MTUS2: variants seen among roughly 807,000 people sequenced by gnomAD.
MTUS2 encodes the protein microtubule associated scaffold protein 2.
In MTUS2, 40 loss-of-function variants were observed where a neutral mutation model predicts 114.1. The observed-to-expected ratio is 0.35, with a 90% CI of 0.27 to 0.46. The LOEUF (loss-of-function observed/expected upper bound fraction) is 0.46, where lower values mean the gene tolerates loss of function less well. Ranked by LOEUF, MTUS2 falls within the 20% of genes least tolerant of loss-of-function variation. The pLI is 1.00. For missense variants in MTUS2, 1,679 were observed against 1,705.4 expected (o/e 0.98, Z 0.27); for synonymous variants, 688 against 672.0 (o/e 1.02, Z -0.37).
intron 5 of MTUS2, among the ~76,000 whole-genome samples, chr13:29,277,105 C>A (rs1247629573): frequency 6.6e-6 from 1 of 152,090 alleles, no homozygotes; most frequent in East Asian, 1.9e-4. Context: ...ACAGTGCCAC[C>A]CACTAACTGC....
intron 7 of MTUS2, among the ~76,000 whole-genome samples, chr13:29,353,939 T>G (rs563801013): frequency 1.6e-3 from 248 of 152,328 alleles, no homozygotes; most frequent in African/African-American, 5.7e-3. Context: ...GCTGAAAATT[T>G]GAGGTCACTC....
intron 5 of MTUS2, among the ~76,000 whole-genome samples, chr13:29,152,820 G>T (rs947703157): frequency 6.6e-6 from 1 of 152,052 alleles, no homozygotes; most frequent in Non-Finnish European, 1.5e-5. Flanking sequence ...GTCAGAAACC[G>T]CAATGAGTCC....
intron 5 of MTUS2, among the ~76,000 whole-genome samples, chr13:29,205,349 C>G (rs1315140473): frequency 6.6e-6 from 1 of 152,158 alleles, no homozygotes; most frequent in African/African-American, 2.4e-5. Context: ...CTTCATACAT[C>G]CATGAATAGA....
At chr13:28,863,456 C>T (rs1362947562) in intron 2 of MTUS2, among the ~76,000 whole-genome samples, 3 of 152,088 alleles carry the variant, frequency 2.0e-5, no homozygotes, top group Admixed American at 6.5e-5. Context: ...TCATATAGCC[C>T]GAGGCTGAGG....
At chr13:28,904,483 T>G (rs977696039) in intron 2 of MTUS2, among the ~76,000 whole-genome samples, 2 of 152,336 alleles carry the variant, frequency 1.3e-5, no homozygotes, top group South Asian at 4.1e-4. Flanking sequence ...GCTAGCCAGT[T>G]TTCCCAGCAC....
At chr13:29,367,572 G>GAATAAA in intron 8 of MTUS2, among the ~76,000 whole-genome samples, 1 of 151,924 alleles carries the variant, frequency 6.6e-6, no homozygotes, top group East Asian at 1.9e-4. Context: ...TCTGCCAGTG[G>GAATAAA]AATAAAAATC....
intron 5 of MTUS2, among the ~76,000 whole-genome samples, chr13:29,106,547 G>C (rs763399641): frequency 1.3e-5 from 2 of 152,066 alleles, no homozygotes; most frequent in African/African-American, 2.4e-5. Context: ...TTAGTAGATG[G>C]GGTTTCACCA....
chr13:29,156,897 T>C (rs558538201), intron 5 of MTUS2, among the ~76,000 whole-genome samples: 2 of 152,334 alleles, frequency 1.3e-5, no homozygotes, highest in South Asian at 4.1e-4. Flanking sequence ...ATACGCATTC[T>C]GTGCCTGCTG....
chr13:29,134,595 A>G (rs1430902836), intron 5 of MTUS2, among the ~76,000 whole-genome samples: 1 of 151,864 alleles, frequency 6.6e-6, no homozygotes, highest in Non-Finnish European at 1.5e-5. Flanking sequence ...CTTCTGTATC[A>G]CGCTTTATTT....
At chr13:29,253,303 G>C (rs371020983) in intron 5 of MTUS2, among the ~76,000 whole-genome samples, 1 of 152,048 alleles carries the variant, frequency 6.6e-6, no homozygotes, top group African/African-American at 2.4e-5. Context: ...GCACACACCT[G>C]TAATCCCAGC....
chr13:29,504,086 C>T lies in MTUS2; in HGVS notation c.*880C>T, dbSNP rs749321074. On this transcript the variant is annotated 3_prime_UTR_variant, in exon 16 of 16. Coordinates refer to ENST00000612955, the MANE Select transcript of MTUS2 (RefSeq NM_001033602.4). ...GTCATTAAGCTATTGTTGCACCCTC[C>T]GGAAAACATGGCAGAGCATGACCTT... 1.3e-5 allele frequency: 3 copies of T among 231,508 alleles called. No individual in the cohort carries two copies. The highest frequency in any genetic ancestry group is 6.1e-5 in the East Asian group (1 of 16,332). 14.3% of individuals were successfully genotyped at this position (231,508 alleles called of 1,614,324 possible).
chr13:29,439,038 G>A (rs1258447068), intron 8 of MTUS2, among the ~76,000 whole-genome samples: 3 of 152,262 alleles, frequency 2.0e-5, no homozygotes, highest in East Asian at 1.9e-4. Flanking sequence ...TCAAGGCCCC[G>A]ATGATACTCA....
intron 8 of MTUS2, among the ~76,000 whole-genome samples, chr13:29,405,658 G>A (rs899688393): frequency 3.3e-5 from 5 of 152,062 alleles, no homozygotes; most frequent in Admixed American, 2.0e-4. Context: ...CAACACTTGC[G>A]AAGCTCTGAT....
intron 6 of MTUS2, among the ~76,000 whole-genome samples, chr13:29,309,547 A>G (rs1280063740): frequency 6.7e-6 from 1 of 149,216 alleles, no homozygotes; most frequent in African/African-American, 2.5e-5. Context: ...TACCTATGTA[A>G]CAAACCTGCA....
intron 8 of MTUS2, among the ~76,000 whole-genome samples, chr13:29,414,846 T>G (rs1435897228): frequency 6.6e-6 from 1 of 151,970 alleles, no homozygotes; most frequent in African/African-American, 2.4e-5. Flanking sequence ...TTTGGTTTAT[T>G]TTGTTGTATT....
intron 7 of MTUS2, among the ~76,000 whole-genome samples, chr13:29,332,796 G>A (rs1313919441): frequency 2.0e-5 from 3 of 151,706 alleles, no homozygotes; most frequent in Admixed American, 1.3e-4. Context: ...CACTACACCC[G>A]GCTAATTTTT....
At chr13:29,434,326 A>G (rs1403074472) in intron 8 of MTUS2, among the ~76,000 whole-genome samples, 1 of 152,062 alleles carries the variant, frequency 6.6e-6, no homozygotes, top group Non-Finnish European at 1.5e-5. Context: ...CCCAGGTGCT[A>G]TTTTGCCTGG....
At chr13:28,974,820 CA>C (rs1884015742) in intron 2 of MTUS2, among the ~76,000 whole-genome samples, 1 of 152,052 alleles carries the variant, frequency 6.6e-6, no homozygotes, top group African/African-American at 2.4e-5. Context: ...TACTGTTCAC[CA>C]AAATGCCACA....
chr13:29,158,358 C>CCCCCCCCCTTTCT, intron 5 of MTUS2, among the ~76,000 whole-genome samples: 1 of 32,048 alleles, frequency 3.1e-5, no homozygotes, highest in African/African-American at 2.1e-4. Flanking sequence ...GTCCACCCCG[C>CCCCCCCCCTTTCT]TTTTTTTTTT....
Sources: allele counts gnomAD v4.1 joint callset (sites outside exome capture counted in the v4.1 genomes callset), GRCh38; gene constraint gnomAD v4.1.1; transcripts MANE v1.5; gene names NCBI Gene and HGNC (gene_info 2026-07-23, HGNC 2026-07-21).